Variants in PDS5B observed in about 807,000 individuals in gnomAD.
PDS5B encodes the protein PDS5 cohesin associated factor B.
In PDS5B, 51 loss-of-function variants were observed where a neutral mutation model predicts 184.1. The ratio of observed to expected loss-of-function variants is 0.28; its 90% CI spans 0.22 to 0.35. PDS5B has a LOEUF of 0.35. Ranked by LOEUF, PDS5B falls within the 10% of genes least tolerant of loss-of-function variation. The pLI is 1.00. For synonymous variants in PDS5B, 566 were observed against 569.2 expected, an observed-to-expected ratio of 0.99 and a Z score of 0.08; for missense variants, 1,180 against 1,723.3, an observed-to-expected ratio of 0.68 and a Z score of 5.58.
intron 31 of PDS5B, among the ~76,000 whole-genome samples, chr13:32,768,947 C>CAAAAAAAAAAAAAAAAAAA (rs770324221): frequency 1.2e-5 from 1 of 84,534 alleles, no homozygotes; most frequent in Non-Finnish European, 2.3e-5. Context: ...TAAAAAAATA[C>CAAAAAAAAAAAAAAAAAAA]AAAAAAAAAA....
At chr13:32,760,838 A>G in intron 30 of PDS5B, 118 bp downstream of exon 30, 3 of 967,682 alleles carry the variant, frequency 3.1e-6, no homozygotes, top group South Asian at 3.6e-5. Context: ...GTATTACTTA[A>G]TTTTTCCATT....
chr13:32,701,060 C>G (rs991441709), intron 16 of PDS5B: 10 of 230,030 alleles, frequency 4.3e-5, no homozygotes, highest in African/African-American at 2.3e-4. Context: ...AGGGACCTTA[C>G]TTTGTTTTTA....
intron 1 of PDS5B, among the ~76,000 whole-genome samples, chr13:32,634,587 T>C (rs2058509505): frequency 6.6e-6 from 1 of 151,398 alleles, no homozygotes; most frequent in Admixed American, 6.6e-5. Context: ...ATTTAACTTT[T>C]TTTTTTTTTT....
Position 32,651,817 on chromosome 13 carries a change from C to G in PDS5B, c.122C>G (p.Thr41Ser). 6.2e-7 allele frequency: 1 copy of G among 1,604,748 alleles called. No homozygotes were observed. Among genetic ancestry groups the G allele is most frequent in the Non-Finnish European group, 8.5e-7 (1 of 1,172,562 alleles). ...ATTTTTGTATAGATGGTTGTGAAAA[C>G]TTTTATGGATATGGACCAGGACTCT... Reference protein sequence around the residue: ...MVRRLKMVVKTFMDMDQDSEE... With the variant: ...MVRRLKMVVKSFMDMDQDSEE... Residue 41 changes from threonine (T) to serine (S), a missense_variant, in exon 3 of 35, where the codon ACT becomes AGT. Around this residue, in one of 11 missense-constraint regions of PDS5B, gnomAD observed 22 missense variants for 79.3 expected, o/e 0.28. Coordinates refer to ENST00000315596, the MANE Select transcript of PDS5B (RefSeq NM_015032.4).
In PDS5B at chr13:32,758,631, G is replaced by A. The variant is rs777063647; in HGVS notation, c.3287G>A (p.Arg1096His). 12 of 1,613,508 alleles carry A rather than the reference G, an allele frequency of 7.4e-6. No homozygotes were observed. The highest frequency in any genetic ancestry group is 1.3e-5 in the African/African-American group (1 of 74,992). The stretch of plus-strand genomic sequence containing the variant: ...CCTAAAGACCCGGTACTACCAGCTC[G>A]TTTCTTCACTCAACCTGACAAGGTA... Reference protein sequence around the residue: ...ESPKDPVLPARFFTQPDKNFS... With the variant: ...ESPKDPVLPAHFFTQPDKNFS... The change falls in exon 28 of 35, where the codon CGT becomes CAT. Residue 1096 changes from arginine to histidine, a missense_variant. Physicochemically the swap from Arg to His is conservative, Grantham distance 29. Transcript: ENST00000315596.
chr13:32,708,031 A>G (rs1952080918), intron 18 of PDS5B, among the ~76,000 whole-genome samples: 1 of 152,052 alleles, frequency 6.6e-6, no homozygotes, highest in Admixed American at 6.6e-5. Context: ...TTCCTTGGCA[A>G]TGACCTGATG....
At chr13:32,684,849 C>T (rs112129724) in intron 11 of PDS5B, among the ~76,000 whole-genome samples, 1 of 152,122 alleles carries the variant, frequency 6.6e-6, no homozygotes, top group Admixed American at 6.5e-5. Flanking sequence ...TGCAGTAGCT[C>T]ACATCTGTAA....
chr13:32,771,110 A>C, intron 33 of PDS5B: 24 of 177,828 alleles, frequency 1.3e-4, no homozygotes, highest in Non-Finnish European at 2.1e-4. Context: ...AATGTTTCTC[A>C]TTAGCACCTT....
At position 32,680,275 on chromosome 13, in the gene PDS5B, T is replaced by TG. The variant is rs1593412106; in HGVS notation, c.1057+1352dup. Reference sequence around the variant, plus strand: ...GTGGCTGTCTGCTCATGATTAAGAGTGGGGGGCTGAATAAAAAGCTGTAAA... The same window carrying TG: ...GTGGCTGTCTGCTCATGATTAAGAGTGGGGGGGCTGAATAAAAAGCTGTAAA... On this transcript the variant is annotated intron_variant, in intron 10 of 34. Transcript: ENST00000315596. 4.0e-5 allele frequency among the ~76,000 whole-genome samples: 6 copies of TG among 151,878 alleles called. No homozygotes were observed. The South Asian group carries it at 1.0e-3, about 26-fold the overall frequency.
intron 6 of PDS5B, among the ~76,000 whole-genome samples, chr13:32,661,407 A>C (rs796920759): frequency 1.3e-5 from 2 of 149,616 alleles, no homozygotes; most frequent in East Asian, 1.9e-4. Flanking sequence ...AAAAAAAAAA[A>C]AAACAGAAAA....
chr13:32,728,718 C>T (rs769212067), intron 19 of PDS5B, among the ~76,000 whole-genome samples: 2 of 152,130 alleles, frequency 1.3e-5, no homozygotes, highest in Non-Finnish European at 2.9e-5. Flanking sequence ...GTTTGTTTCT[C>T]ATTTATCAGG....
intron 1 of PDS5B, among the ~76,000 whole-genome samples, chr13:32,634,213 G>C (rs1032947528): frequency 6.6e-6 from 1 of 151,816 alleles, no homozygotes; most frequent in African/African-American, 2.4e-5. Context: ...TCTTAGAAAA[G>C]AAAGAAAAAA....
intron 31 of PDS5B, among the ~76,000 whole-genome samples, chr13:32,767,862 AG>A (rs2141030713): frequency 1.3e-5 from 2 of 152,346 alleles, no homozygotes; most frequent in African/African-American, 4.8e-5. Flanking sequence ...TAAATATAAA[AG>A]GAGGAGAAAT....
At chr13:32,763,215 A>G (rs577723491) in intron 30 of PDS5B, among the ~76,000 whole-genome samples, 16 of 152,202 alleles carry the variant, frequency 1.1e-4, no homozygotes, top group African/African-American at 3.1e-4. Context: ...AACCATGGTA[A>G]GGAGTTTGGA....
At chr13:32,716,699 C>G (rs1212436873) in intron 19 of PDS5B, among the ~76,000 whole-genome samples, 1 of 128,766 alleles carries the variant, frequency 7.8e-6, no homozygotes, top group Non-Finnish European at 1.7e-5. Context: ...CCAGCTGCCC[C>G]GTTTGGGAGG....
intron 24 of PDS5B, among the ~76,000 whole-genome samples, chr13:32,748,354 T>G (rs1953837668): frequency 6.6e-6 from 1 of 152,210 alleles, no homozygotes; most frequent in Non-Finnish European, 1.5e-5. Flanking sequence ...ATACTGGGCT[T>G]CATTATATTT....
At chr13:32,767,060 G>A (rs1368322830) in intron 31 of PDS5B, among the ~76,000 whole-genome samples, 1 of 152,038 alleles carries the variant, frequency 6.6e-6, no homozygotes, top group African/African-American at 2.4e-5. Flanking sequence ...GTCATGTATA[G>A]ATCTTCCCCT....
intron 13 of PDS5B, among the ~76,000 whole-genome samples, chr13:32,692,438 T>A (rs1311070067): frequency 7.1e-6 from 1 of 141,602 alleles, no homozygotes; most frequent in African/African-American, 2.6e-5. Context: ...TTTTTTTTTT[T>A]TTTTGAGATA....
intron 19 of PDS5B, among the ~76,000 whole-genome samples, chr13:32,716,677 C>A (rs1411799937): frequency 7.6e-6 from 1 of 130,760 alleles, no homozygotes; most frequent in Non-Finnish European, 1.7e-5. Context: ...GGGGGGTCAG[C>A]CCCCCGCCCG....
Sources: gnomAD v4.1 joint callset for allele counts (sites outside exome capture counted in the v4.1 genomes callset) on GRCh38, gnomAD v4.1.1 for gene constraint, gnomAD v4.1.1 regional missense constraint, MANE v1.5 for transcripts, NCBI Gene and HGNC (gene_info 2026-07-23, HGNC 2026-07-21) for gene names.